The following DTX1 variants were observed in gnomAD, a reference collection of about 807,000 sequenced individuals.
DTX1 encodes the protein deltex E3 ubiquitin ligase 1, also known as E3 ubiquitin-protein ligase DTX1.
In DTX1, 26 loss-of-function variants were observed where a neutral mutation model predicts 57.8. The observed-to-expected ratio is 0.45, with a 90% CI of 0.33 to 0.62. The LOEUF is 0.62. Ranked by LOEUF, DTX1 falls within the 20% of genes least tolerant of loss-of-function variation. The pLI, the probability that DTX1 is intolerant of heterozygous loss-of-function variation, is 0.02. For missense variants in DTX1, 704 were observed against 895.3 expected, an observed-to-expected ratio of 0.79 and a Z score of 2.73; for synonymous variants, 398 against 394.1, an observed-to-expected ratio of 1.01 and a Z score of -0.12.
intron 2 of DTX1, among the ~76,000 whole-genome samples, chr12:113,064,389 C>G (rs1183036586): frequency 6.6e-6 from 1 of 152,122 alleles, no homozygotes; most frequent in Non-Finnish European, 1.5e-5. Context: ...ATTCATCGCT[C>G]GTATTTGGTA....
At chr12:113,057,220 A>G (rs1735369827) in intron 1 of DTX1, among the ~76,000 whole-genome samples, 1 of 151,686 alleles carries the variant, frequency 6.6e-6, no homozygotes, top group Non-Finnish European at 1.5e-5. Flanking sequence ...AGGCTCCGGG[A>G]GCCAAGGAGG....
Position 113,057,946 on chromosome 12 carries a change from T to C in DTX1, c.-247T>C. ...GTTTCCTCCGGCATAAGAGAGACACTTGCTTTCCAGGGCAGCACCCTTTAT... is the reference window on the plus strand; with the variant it reads ...GTTTCCTCCGGCATAAGAGAGACACCTGCTTTCCAGGGCAGCACCCTTTAT... On this transcript the variant is annotated 5_prime_UTR_variant, in exon 2 of 10. Coordinates refer to ENST00000548759, the MANE Select transcript of DTX1 (RefSeq NM_004416.3). 1.7e-6 allele frequency: 1 copy of C among 595,532 alleles called. No individual in the cohort carries two copies. Among genetic ancestry groups the C allele is most frequent in the Non-Finnish European group, 2.8e-6 (1 of 354,828 alleles). 36.9% of individuals were successfully genotyped at this position (595,532 alleles called of 1,614,324 possible). A position where few individuals can be genotyped will look rare whatever the true frequency, so the allele number is the denominator to read the frequency against.
chr12:113,068,130 G>A (rs767163815), intron 2 of DTX1, among the ~76,000 whole-genome samples: 1 of 152,252 alleles, frequency 6.6e-6, no homozygotes, highest in Non-Finnish European at 1.5e-5. Flanking sequence ...CCAGCTTGCA[G>A]TCTCCAGCCT....
chr12:113,073,294 A>G (rs909823670), intron 2 of DTX1, among the ~76,000 whole-genome samples: 2 of 152,068 alleles, frequency 1.3e-5, no homozygotes, highest in African/African-American at 2.4e-5. Flanking sequence ...AGCACACAAG[A>G]GCAGGTGGGA....
intron 2 of DTX1, among the ~76,000 whole-genome samples, chr12:113,070,109 CCT>C (rs1198670886): frequency 1.3e-5 from 2 of 152,180 alleles, no homozygotes; most frequent in Non-Finnish European, 2.9e-5. Flanking sequence ...CTGCTCCGTG[CCT>C]CTGTTTTCTC....
At chr12:113,070,899 C>G (rs1420721567) in intron 2 of DTX1, among the ~76,000 whole-genome samples, 1 of 152,222 alleles carries the variant, frequency 6.6e-6, no homozygotes, top group Non-Finnish European at 1.5e-5. Context: ...GGAAATAGTC[C>G]TGGTCCCTCC....
At chr12:113,088,669 G>A (rs1046484121) in intron 3 of DTX1, among the ~76,000 whole-genome samples, 1 of 152,208 alleles carries the variant, frequency 6.6e-6, no homozygotes, top group Non-Finnish European at 1.5e-5. Flanking sequence ...ATTCAGTAAG[G>A]TAAGGACAAA....
chr12:113,091,335 T>G (rs1277612076), intron 3 of DTX1, among the ~76,000 whole-genome samples: 1 of 152,132 alleles, frequency 6.6e-6, no homozygotes, highest in Non-Finnish European at 1.5e-5. Flanking sequence ...TGCCCTGAAG[T>G]GTGCCTGTGT....
intron 3 of DTX1, among the ~76,000 whole-genome samples, chr12:113,083,294 A>G (rs758174679): frequency 2.6e-5 from 4 of 152,082 alleles, no homozygotes; most frequent in Non-Finnish European, 5.9e-5. Flanking sequence ...TCAGCCCATA[A>G]CAATGTGTCT....
At chr12:113,087,503 AG>A (rs1466196228) in intron 3 of DTX1, among the ~76,000 whole-genome samples, 19 of 150,780 alleles carry the variant, frequency 1.3e-4, no homozygotes. Context: ...TGGGGGGAGG[AG>A]GGGGAGAAGG....
chr12:113,064,024 C>G (rs1029575297), intron 2 of DTX1, among the ~76,000 whole-genome samples: 49 of 152,314 alleles, frequency 3.2e-4, no homozygotes, highest in Non-Finnish European at 3.4e-4. Flanking sequence ...GAGAGAACCC[C>G]TTCCCCCTTC....
At position 113,097,295 on chromosome 12, in the gene DTX1, A is replaced by C; in HGVS notation, c.*356A>C. ...GGAAGAGAAGAGACAGAAAGACCCC[A>C]TGACCCCCCCATGTGGATCCCCATC... On this transcript the variant is annotated 3_prime_UTR_variant, in exon 10 of 10. Coordinates refer to ENST00000548759, the MANE Select transcript of DTX1 (RefSeq NM_004416.3). The C allele has an allele frequency of 3.4e-5, 8 of 237,730 alleles. No individual in the cohort carries two copies. Among genetic ancestry groups the C allele is most frequent in the Non-Finnish European group, 5.7e-5 (7 of 122,870 alleles). The allele number at this position is 237,730 out of a possible 1,614,324, so 14.7% of individuals were successfully genotyped here.
Position 113,093,343 on chromosome 12 carries a change from C to A in DTX1, c.1003+120C>A. ...GAGCGTGGCCCGGAGGAAACGCCCCCTTCCACTGGGCCCAGGACACAGGGC... is the reference window on the plus strand; with the variant it reads ...GAGCGTGGCCCGGAGGAAACGCCCCATTCCACTGGGCCCAGGACACAGGGC... On this transcript the variant is annotated intron_variant, in intron 4 of 9. Coordinates refer to ENST00000548759, the MANE Select transcript of DTX1 (RefSeq NM_004416.3). This position sits in a 1 kb window ranked among gnomAD's most constrained non-coding sequence, Gnocchi z 4.2. 7.3e-7 allele frequency: 1 copy of A among 1,371,012 alleles called. No individual in the cohort carries two copies. Among genetic ancestry groups the A allele is most frequent in the South Asian group, 1.4e-5 (1 of 71,420 alleles). 84.9% of individuals were successfully genotyped at this position (1,371,012 alleles called of 1,614,324 possible).
At chr12:113,087,132 T>C (rs927000698) in intron 3 of DTX1, among the ~76,000 whole-genome samples, 7 of 145,228 alleles carry the variant, frequency 4.8e-5, no homozygotes, top group Non-Finnish European at 9.0e-5. Context: ...GGTTGAAGAG[T>C]GACCCCCGCA....
intron 3 of DTX1, among the ~76,000 whole-genome samples, chr12:113,086,912 C>A (rs1014744915): frequency 2.6e-4 from 39 of 148,268 alleles, no homozygotes; most frequent in Admixed American, 6.1e-4. Context: ...ACCAAACACT[C>A]CCCCCACCCT....
At chr12:113,065,793 G>C (rs1355715263) in intron 2 of DTX1, among the ~76,000 whole-genome samples, 1 of 152,030 alleles carries the variant, frequency 6.6e-6, no homozygotes, top group Non-Finnish European at 1.5e-5. Context: ...GAGGGGCCAG[G>C]ACGGGGAGGC....
In DTX1 at chr12:113,077,464, G is replaced by A. The variant is rs769994337; in HGVS notation, c.300G>A (p.Ser100=). 1.2e-6 allele frequency: 2 copies of A among 1,611,832 alleles called. No individual in the cohort carries two copies. Among genetic ancestry groups the A allele is most frequent in the South Asian group, 1.1e-5 (1 of 91,046 alleles). ...TGCGGCGCAACTTCTACGACCCGTCGTCGGCGCCGGGCAAGGGCATCGTGT... is the reference window on the plus strand; with the variant it reads ...TGCGGCGCAACTTCTACGACCCGTCATCGGCGCCGGGCAAGGGCATCGTGT... ...RPVRRNFYDP[S]SAPGKGIVWE... Residue 100 remains serine, a synonymous_variant, in exon 3 of 10, where the codon TCG becomes TCA. Coordinates refer to ENST00000548759, the MANE Select transcript of DTX1 (RefSeq NM_004416.3). This position sits in a 1 kb window ranked among gnomAD's most constrained non-coding sequence, Gnocchi z 7.8.
At chr12:113,061,872 A>T (rs2044666516) in intron 2 of DTX1, among the ~76,000 whole-genome samples, 1 of 151,658 alleles carries the variant, frequency 6.6e-6, no homozygotes, top group South Asian at 2.1e-4. Flanking sequence ...CACCCGGCTA[A>T]TTTTTGTATT....
rs1592838752 is a variant in DTX1 at position 113,057,721 on chromosome 12, T to G, written c.-472T>G. On this transcript the variant is annotated 5_prime_UTR_variant, in exon 2 of 10. Transcript: ENST00000548759. ...AGCCCCACTGAAGCCGGGCGCAGGG[T>G]CTGGGACGCAGTTGGGAGTGCAAAG... is the stretch of plus-strand genomic sequence containing the variant. The G allele has an allele frequency of 6.2e-6, 1 of 160,090 alleles. No homozygotes were observed. Among genetic ancestry groups the G allele is most frequent in the Admixed American group, 5.9e-5 (1 of 16,880 alleles). 9.9% of individuals were successfully genotyped at this position (160,090 alleles called of 1,614,324 possible).
Sources: allele counts gnomAD v4.1 joint callset (sites outside exome capture counted in the v4.1 genomes callset), GRCh38; gene constraint gnomAD v4.1.1; non-coding constraint Gnocchi (gnomAD v3.1); transcripts MANE v1.5; gene names NCBI Gene and HGNC (gene_info 2026-07-23, HGNC 2026-07-21).